C11orf65: variants seen among roughly 807,000 people sequenced by gnomAD.
C11orf65 encodes protein MFI.
A neutral mutation model predicts 35.3 loss-of-function variants in C11orf65; 38 were observed. The observed-to-expected ratio is 1.08, with a 90% CI of 0.83 to 1.41. The LOEUF (loss-of-function observed/expected upper bound fraction) is 1.41. Ranked by LOEUF, C11orf65 falls within the 40% of genes most tolerant of loss-of-function variation. C11orf65 has a pLI of 0.00. For missense variants in C11orf65, 370 were observed against 367.1 expected (o/e 1.01, Z -0.06); for synonymous variants, 105 against 114.4 (o/e 0.92, Z 0.53).
intron 3 of C11orf65, among the ~76,000 whole-genome samples, chr11:108,414,588 A>G (rs867880432): frequency 2.0e-5 from 3 of 152,212 alleles, no homozygotes; most frequent in South Asian, 4.1e-4. Context: ...CAAAACAGAA[A>G]AAAAGCACAA....
chr11:108,427,923 C>T lies in C11orf65; in HGVS notation c.174+3823G>A, dbSNP rs1357151245. 9.0e-3 allele frequency among the ~76,000 whole-genome samples: 1,216 copies of T among 134,382 alleles called. 9 individuals carry two copies. The highest frequency in any genetic ancestry group is 0.017 in the African/African-American group (616 of 35,914). 88.2% of individuals were successfully genotyped at this position (134,382 alleles called of 152,430 possible). A position where few individuals can be genotyped will look rare whatever the true frequency, so the allele number is the denominator to read the frequency against. On this transcript the variant is annotated intron_variant, in intron 3 of 8. Transcript: ENST00000393084. The stretch of plus-strand genomic sequence containing the variant: ...TCGGCTCACTGCAAGCTCCGCCTCC[C>T]GGGTTCACGCCATTCTCCTGCCTCA...
chr11:108,327,629 T>C (rs2085805769), downstream of C11orf65: 1 of 1,593,196 alleles, frequency 6.3e-7, no homozygotes, highest in Non-Finnish European at 8.6e-7. Flanking sequence ...TTTAAGATTT[T>C]GCCTTTCTTA....
At chr11:108,322,040 A>C (rs1417627396) in intron 6 of C11orf65, among the ~76,000 whole-genome samples, 1 of 152,190 alleles carries the variant, frequency 6.6e-6, no homozygotes, top group Non-Finnish European at 1.5e-5. Flanking sequence ...TTAGCACTAC[A>C]TTGTATTACT....
chr11:108,412,528 A>G (rs2092675945), intron 3 of C11orf65, among the ~76,000 whole-genome samples: 1 of 152,162 alleles, frequency 6.6e-6, no homozygotes, highest in African/African-American at 2.4e-5. Context: ...CAAAGAAAAG[A>G]ACAAAGACGA....
intron 3 of C11orf65, among the ~76,000 whole-genome samples, chr11:108,427,917 G>A (rs1399320879): frequency 3.0e-4 from 32 of 108,030 alleles, no homozygotes; most frequent in Middle Eastern, 9.3e-3. Context: ...TGCAAGCTCC[G>A]CCTCCCGGGT....
At chr11:108,407,733 A>G (rs936865948) in intron 3 of C11orf65, among the ~76,000 whole-genome samples, 2 of 151,386 alleles carry the variant, frequency 1.3e-5, no homozygotes, top group African/African-American at 4.8e-5. Flanking sequence ...TAATGAGGTC[A>G]GGAGATCGAG....
At chr11:108,459,066 A>C (rs1191648946) in intron 2 of C11orf65, among the ~76,000 whole-genome samples, 1 of 152,150 alleles carries the variant, frequency 6.6e-6, no homozygotes, top group Non-Finnish European at 1.5e-5. Context: ...ACATGAGTGG[A>C]GTAAGTAATT....
intron 2 of C11orf65, among the ~76,000 whole-genome samples, chr11:108,442,235 G>A (rs1376943738): frequency 1.3e-5 from 2 of 152,098 alleles, no homozygotes; most frequent in Non-Finnish European, 2.9e-5. Context: ...AGTGATTGAA[G>A]ATCAAAAGAA....
At chr11:108,431,588 A>G (rs1306259079) in intron 3 of C11orf65, among the ~76,000 whole-genome samples, 158 bp downstream of exon 3, 1 of 152,180 alleles carries the variant, frequency 6.6e-6, no homozygotes, top group Non-Finnish European at 1.5e-5. Context: ...GTGATGATTC[A>G]TTGAGCTATA....
chr11:108,321,629 A>G (rs1484907198), intron 6 of C11orf65, among the ~76,000 whole-genome samples: 2 of 152,142 alleles, frequency 1.3e-5, no homozygotes, highest in East Asian at 3.9e-4. Flanking sequence ...CTAAAAATAC[A>G]AAAATTAGCC....
chr11:108,402,701 CCT>C (rs773407052), intron 6 of C11orf65, among the ~76,000 whole-genome samples: 14 of 150,706 alleles, frequency 9.3e-5, no homozygotes, highest in Non-Finnish European at 1.8e-4. Context: ...TATCCATCAC[CCT>C]CTGACGTTTC....
intron 2 of C11orf65, chr11:108,368,459 T>C (rs1392583511): frequency 9.4e-6 from 2 of 213,334 alleles, no homozygotes; most frequent in African/African-American, 4.5e-5. Flanking sequence ...TTCTGATCTT[T>C]ACTTTGCAAG....
At chr11:108,422,271 C>G (rs560706814) in intron 3 of C11orf65, among the ~76,000 whole-genome samples, 1 of 152,110 alleles carries the variant, frequency 6.6e-6, no homozygotes, top group African/African-American at 2.4e-5. Context: ...TTTCACTTCC[C>G]CAACAGATTT....
At chr11:108,379,319 C>A (rs2091811856), downstream of C11orf65, among the ~76,000 whole-genome samples, 1 of 152,104 alleles carries the variant, frequency 6.6e-6, no homozygotes, top group Admixed American at 6.5e-5. Context: ...GGGTTCATGT[C>A]CTTTGTAGGG....
chr11:108,357,488 G>T (rs1349736572), intron 2 of C11orf65, among the ~76,000 whole-genome samples: 1 of 152,224 alleles, frequency 6.6e-6, no homozygotes, highest in African/African-American at 2.4e-5. Flanking sequence ...CACCTCTGGG[G>T]GCAGGGCACA....
At chr11:108,403,328 C>T (rs1392522731) in intron 6 of C11orf65, among the ~76,000 whole-genome samples, 1 of 148,830 alleles carries the variant, frequency 6.7e-6, no homozygotes, top group Non-Finnish European at 1.5e-5. Context: ...TTGAGTTATG[C>T]TAATTTGCTA....
At chr11:108,412,465 C>A (rs1220146418) in intron 3 of C11orf65, among the ~76,000 whole-genome samples, 2 of 152,160 alleles carry the variant, frequency 1.3e-5, no homozygotes, top group African/African-American at 4.8e-5. Flanking sequence ...CAAGACCCAA[C>A]TATATGTTAT....
At chr11:108,340,936 AG>A (rs969445073) in intron 2 of C11orf65, among the ~76,000 whole-genome samples, 1 of 151,956 alleles carries the variant, frequency 6.6e-6, no homozygotes, top group Non-Finnish European at 1.5e-5. Context: ...GTTTTTATTG[AG>A]GTTTTTTTGG....
At chr11:108,394,867 A>G (rs1039612229) in intron 6 of C11orf65, among the ~76,000 whole-genome samples, 2 of 152,198 alleles carry the variant, frequency 1.3e-5, no homozygotes, top group African/African-American at 4.8e-5. Flanking sequence ...GTGGTAGCTC[A>G]TGCCTATAAT....
Sources: allele counts gnomAD v4.1 joint callset (sites outside exome capture counted in the v4.1 genomes callset), GRCh38; gene constraint gnomAD v4.1.1; transcripts MANE v1.5; gene names NCBI Gene and HGNC (gene_info 2026-07-23, HGNC 2026-07-21).